The following SAXO1 variants were observed in gnomAD, a reference collection of about 807,000 sequenced individuals.
SAXO1 encodes stabilizer of axonemal microtubules 1.
A neutral mutation model predicts 17.5 loss-of-function variants in SAXO1; 21 were observed. That is an observed-to-expected ratio of 1.20 (90% CI 0.85 to 1.72). SAXO1 has a LOEUF of 1.72. Among genes scored for constraint, SAXO1 ranks in the 40% most tolerant of loss-of-function variants. The probability of loss-of-function intolerance (pLI) is 0.00; values close to 1 mark genes in which losing one functional copy is unlikely to be tolerated. For synonymous variants in SAXO1, 274 were observed against 216.5 expected, an observed-to-expected ratio of 1.27 and a Z score of -2.33; for missense variants, 843 against 596.0, an observed-to-expected ratio of 1.41 and a Z score of -4.32.
intron 1 of SAXO1, among the ~76,000 whole-genome samples, chr9:19,025,386 T>G (rs942506284): frequency 1.3e-5 from 2 of 152,184 alleles, no homozygotes; most frequent in South Asian, 2.1e-4. Flanking sequence ...TTCCTCTTAA[T>G]GTGTAACAGA....
intron 3 of SAXO1, among the ~76,000 whole-genome samples, chr9:18,932,064 A>G (rs1470779416): frequency 6.6e-6 from 1 of 152,212 alleles, no homozygotes; most frequent in Non-Finnish European, 1.5e-5. Context: ...GAATTGCGAT[A>G]AAGTCCTATT....
At chr9:19,001,568 G>A (rs1441700933) in intron 1 of SAXO1, among the ~76,000 whole-genome samples, 3 of 151,838 alleles carry the variant, frequency 2.0e-5, no homozygotes, top group East Asian at 3.9e-4. Flanking sequence ...TCGGGAGGCT[G>A]AGGCAGGAGA....
At chr9:19,013,930 G>A (rs1222785300) in intron 1 of SAXO1, among the ~76,000 whole-genome samples, 1 of 152,172 alleles carries the variant, frequency 6.6e-6, no homozygotes, top group Non-Finnish European at 1.5e-5. Flanking sequence ...CACCCAGTTC[G>A]TGAGCTGGGC....
Position 18,965,677 on chromosome 9 carries a change from T to A in SAXO1, c.39-14740A>T, listed in dbSNP as rs138015444. On this transcript the variant is annotated intron_variant, in intron 1 of 3. Coordinates refer to ENST00000380534, the MANE Select transcript of SAXO1 (RefSeq NM_153707.4). ...GATGGGTCTCCTGAATACAGCACAC[T>A]GATGGGTCTTGACTCTATCCAATTT... Among the ~76,000 whole-genome samples the A allele has an allele frequency of 4.8e-3, 727 of 152,262 alleles. 4 individuals are homozygous for A. The highest frequency in any genetic ancestry group is 8.6e-3 in the Non-Finnish European group (588 of 68,026).
intron 2 of SAXO1, among the ~76,000 whole-genome samples, chr9:18,950,316 A>G (rs1005633728): frequency 2.0e-5 from 3 of 152,124 alleles, no homozygotes; most frequent in Admixed American, 2.0e-4. Flanking sequence ...GGGGAGAAAA[A>G]AAAGCTCATT....
intron 1 of SAXO1, among the ~76,000 whole-genome samples, chr9:18,958,937 G>GA (rs773391206): frequency 2.1e-4 from 32 of 152,124 alleles, no homozygotes; most frequent in Non-Finnish European, 3.7e-4. Flanking sequence ...GTTTCTGGGG[G>GA]AAAAACTGAC....
In SAXO1 at chr9:18,927,957, T is replaced by A. The variant is rs1051731136; in HGVS notation, c.*95A>T. 1 of 1,403,056 alleles carries A rather than the reference T, an allele frequency of 7.1e-7. No individual in the cohort carries two copies. Among genetic ancestry groups the A allele is most frequent in the Non-Finnish European group, 9.5e-7 (1 of 1,049,720 alleles). The allele number at this position is 1,403,056 out of a possible 1,614,324, so 86.9% of individuals were successfully genotyped here. ...TGAAGGTTTTTTGTTTTTTGTTTTT[T>A]GTCATTTTAGGGAATTCTTTTTTGT... On this transcript the variant is annotated 3_prime_UTR_variant, in exon 4 of 4. Coordinates refer to ENST00000380534, the MANE Select transcript of SAXO1 (RefSeq NM_153707.4).
intron 2 of SAXO1, among the ~76,000 whole-genome samples, chr9:18,943,004 A>G (rs1831637481): frequency 6.6e-6 from 1 of 152,238 alleles, no homozygotes; most frequent in African/African-American, 2.4e-5. Context: ...CCAAACACCA[A>G]TAAAACCCAC....
upstream of SAXO1, among the ~76,000 whole-genome samples, chr9:19,036,507 G>A (rs897094581): frequency 6.6e-6 from 1 of 152,102 alleles, no homozygotes; most frequent in African/African-American, 2.4e-5. Flanking sequence ...TCCAGCCTAG[G>A]GACTTGGTGC....
chr9:18,950,828 T>A lies in SAXO1; in HGVS notation c.148A>T (p.Arg50Ter), dbSNP rs1293254183. 6.2e-7 allele frequency: 1 copy of A among 1,613,868 alleles called. No individual in the cohort carries two copies. Among genetic ancestry groups the A allele is most frequent in the African/African-American group, 1.3e-5 (1 of 75,034 alleles). ...NYPFYHSYLP[R>*]ESFKPRREYQ... ...TCCCGCCTTGGCTTGAAGGACTCTC[T>A]GGGCAGGTAGGAGTGATAGAAAGGG... The change falls in exon 2 of 4, where the codon AGA (arginine) becomes TGA (stop). Residue 50 changes from arginine to a stop codon, truncating the protein, a stop_gained. Transcript: ENST00000380534. LOFTEE classifies it high-confidence loss of function.
chr9:18,929,178 C>G (rs1830926524), intron 3 of SAXO1, 123 bp from the exon 4 acceptor site: 1 of 1,074,658 alleles, frequency 9.3e-7, no homozygotes, highest in South Asian at 1.6e-5. Flanking sequence ...AAAGAAAGAA[C>G]AGAGCACATC....
intron 1 of SAXO1, among the ~76,000 whole-genome samples, chr9:18,977,680 T>C (rs1031678482): frequency 1.3e-5 from 2 of 152,102 alleles, no homozygotes; most frequent in African/African-American, 4.8e-5. Flanking sequence ...GGCATGTGTA[T>C]ATACACATTT....
At chr9:19,042,940 G>A (rs1588578288) in intron 1 of SAXO1, among the ~76,000 whole-genome samples, 1 of 152,212 alleles carries the variant, frequency 6.6e-6, no homozygotes, top group Admixed American at 6.5e-5. Context: ...GTGAGGCCAA[G>A]GCGGGAGGAT....
intron 1 of SAXO1, among the ~76,000 whole-genome samples, chr9:19,008,468 A>C (rs62560424): frequency 6.6e-6 from 1 of 152,144 alleles, no homozygotes; most frequent in Non-Finnish European, 1.5e-5. Context: ...TCAAAATGGC[A>C]ATTTCTGGAA....
chr9:18,969,438 C>T (rs1035661676), intron 1 of SAXO1, among the ~76,000 whole-genome samples: 1 of 152,214 alleles, frequency 6.6e-6, no homozygotes, highest in South Asian at 2.1e-4. Context: ...CCAAGGCTCT[C>T]TTCCAGGCAC....
intron 1 of SAXO1, among the ~76,000 whole-genome samples, chr9:19,023,792 G>A (rs1158404827): frequency 6.8e-5 from 1 of 14,752 alleles, no homozygotes; most frequent in African/African-American, 6.7e-4. Flanking sequence ...AGGAAGGAAG[G>A]GAGGGAGGAA....
At position 18,932,628 on chromosome 9, in the gene SAXO1, A is replaced by T. The variant is rs75623102; in HGVS notation, c.422-3573T>A. 8.4e-3 allele frequency among the ~76,000 whole-genome samples: 1,278 copies of T among 152,338 alleles called. 22 individuals are homozygous for T. The highest frequency in any genetic ancestry group is 0.029 in the African/African-American group (1,208 of 41,570). On this transcript the variant is annotated intron_variant, in intron 3 of 3. Transcript: ENST00000380534. ...TTGAATCTACAGATCAATTTGGGAC[A>T]ACTTTACCTTAATAGTATTGAACCT...
intron 1 of SAXO1, among the ~76,000 whole-genome samples, chr9:19,022,368 C>T (rs1462375628): frequency 6.6e-6 from 1 of 152,206 alleles, no homozygotes; most frequent in South Asian, 2.1e-4. Flanking sequence ...GTGAGTGAGA[C>T]CAAGAATCCA....
chr9:19,027,665 A>T, intron 1 of SAXO1: 1 of 1,371,008 alleles, frequency 7.3e-7, no homozygotes. Context: ...GGCCAAGGAG[A>T]AAGCGCCCTC....
Sources: allele counts gnomAD v4.1 joint callset (sites outside exome capture counted in the v4.1 genomes callset), GRCh38; gene constraint gnomAD v4.1.1; transcripts MANE v1.5; gene names NCBI Gene and HGNC (gene_info 2026-07-23, HGNC 2026-07-21).